AOPEP: variants seen among roughly 807,000 people sequenced by gnomAD.
AOPEP encodes the protein aminopeptidase O (putative).
In AOPEP, 77 loss-of-function variants were observed where a neutral mutation model predicts 98.1. The ratio of observed to expected loss-of-function variants is 0.78; its 90% confidence interval spans 0.65 to 0.95. AOPEP has a LOEUF of 0.95. AOPEP is among the 40% of genes least tolerant of loss of function. The probability of loss-of-function intolerance (pLI) is 0.00; values close to 1 mark genes in which losing one functional copy is unlikely to be tolerated. For synonymous variants in AOPEP, 346 were observed against 365.3 expected (o/e 0.95, Z 0.60); for missense variants, 1,024 against 1,024.7 (o/e 1.00, Z 0.01).
At chr9:95,139,836 A>ATATATATATATATATAAATATATATATT in the AOPEP span, among the ~76,000 whole-genome samples, 5 of 144,182 alleles carry the variant, frequency 3.5e-5, no homozygotes, top group African/African-American at 1.3e-4. Flanking sequence ...ATATATATTT[A>ATATATATATATATATAAATATATATATT]TATATATATA....
the AOPEP span, among the ~76,000 whole-genome samples, chr9:95,102,071 G>A: frequency 2.6e-4 from 40 of 152,274 alleles, no homozygotes; most frequent in African/African-American, 8.2e-4. Context: ...ATTTCCTAAC[G>A]AGCCTCCTCG....
At chr9:94,789,880 CTT>C (rs1163727431) in intron 3 of AOPEP, among the ~76,000 whole-genome samples, 2 of 87,084 alleles carry the variant, frequency 2.3e-5, no homozygotes, top group Non-Finnish European at 2.2e-5. Context: ...TCAACTTGTT[CTT>C]TTTTTTTTTT....
the AOPEP span, among the ~76,000 whole-genome samples, chr9:95,097,767 T>C: frequency 2.6e-5 from 4 of 152,136 alleles, no homozygotes; most frequent in African/African-American, 4.8e-5. Flanking sequence ...CATTACCAGT[T>C]TGGGCTTGAG....
chr9:94,857,868 A>G (rs2044421476), intron 5 of AOPEP, among the ~76,000 whole-genome samples: 1 of 152,210 alleles, frequency 6.6e-6, no homozygotes, highest in South Asian at 2.1e-4. Context: ...TTTGGAAGCT[A>G]TGTTAAGACA....
intron 3 of AOPEP, among the ~76,000 whole-genome samples, chr9:94,787,666 G>A (rs1588209546): frequency 6.6e-6 from 1 of 152,078 alleles, no homozygotes; most frequent in South Asian, 2.1e-4. Flanking sequence ...ATAGTACCTT[G>A]GTACCAGACG....
chr9:94,993,467 G>A (rs7045955), intron 11 of AOPEP, among the ~76,000 whole-genome samples: 1 of 152,170 alleles, frequency 6.6e-6, no homozygotes, highest in African/African-American at 2.4e-5. Flanking sequence ...ATGTGTGTGA[G>A]AAATTGCTAC....
At chr9:95,020,841 C>T (rs1252002823) in intron 13 of AOPEP, among the ~76,000 whole-genome samples, 1 of 135,502 alleles carries the variant, frequency 7.4e-6, no homozygotes, top group Non-Finnish European at 1.5e-5. Flanking sequence ...TTGCCTGAGC[C>T]TGGGAGGTGG....
At chr9:94,741,780 ACAG>A (rs1833191746) in intron 1 of AOPEP, among the ~76,000 whole-genome samples, 1 of 152,172 alleles carries the variant, frequency 6.6e-6, no homozygotes, top group African/African-American at 2.4e-5. Context: ...CTATTCCATC[ACAG>A]CTGAACTGGG....
Position 94,800,807 on chromosome 9 carries a change from C to T in AOPEP, c.1169C>T (p.Ala390Val). Reference protein sequence around the residue: ...HMEYPCRFQNASATTQEIIPH... With the variant: ...HMEYPCRFQNVSATTQEIIPH... ...GAATACCCCTGCCGCTTCCAGAATGCTTCTGCCACCACCCAGGAGATCATT... is the reference window on the plus strand; with the variant it reads ...GAATACCCCTGCCGCTTCCAGAATGTTTCTGCCACCACCCAGGAGATCATT... Residue 390 changes from alanine (A) to valine (V), a missense_variant, in exon 5 of 17, where the codon GCT (alanine) becomes GTT (valine). By Grantham distance (64) the Ala-to-Val change is moderately conservative (BLOSUM62 0). This residue lies in a region of AOPEP where 566 missense variants were observed against 551.7 expected (regional missense o/e 1.03). Coordinates refer to ENST00000375315, the MANE Select transcript of AOPEP (RefSeq NM_001193329.3). 1 of 1,614,196 alleles carries T rather than the reference C, an allele frequency of 6.2e-7. No homozygotes were observed. Among genetic ancestry groups the T allele is most frequent in the Non-Finnish European group, 8.5e-7 (1 of 1,180,012 alleles).
chr9:94,854,422 G>T lies in AOPEP; in HGVS notation c.1364+53420G>T, dbSNP rs76117768. ...TATTTAGGTGGCTTTCTCAAATGAT[G>T]TGCTATTTTAAGGCTGAACATTAAG... On this transcript the variant is annotated intron_variant, in intron 5 of 16. Transcript: ENST00000375315. Among the ~76,000 whole-genome samples, 1,335 of 152,240 alleles carry T rather than the reference G, an allele frequency of 8.8e-3. 25 individuals are homozygous for T. The highest frequency in any genetic ancestry group is 0.03 in the African/African-American group (1,261 of 41,534).
intron 5 of AOPEP, among the ~76,000 whole-genome samples, chr9:94,839,422 A>C (rs190279006): frequency 6.6e-6 from 1 of 151,998 alleles, no homozygotes; most frequent in East Asian, 1.9e-4. Flanking sequence ...ATGGGGTTTC[A>C]CTATGTTGGC....
At chr9:94,818,627 G>A (rs1333050736) in intron 5 of AOPEP, among the ~76,000 whole-genome samples, 1 of 152,182 alleles carries the variant, frequency 6.6e-6, no homozygotes, top group Non-Finnish European at 1.5e-5. Flanking sequence ...GGTAAAGAAG[G>A]CAGTAAAGGT....
At chr9:94,770,899 G>A (rs534360877) in intron 2 of AOPEP, among the ~76,000 whole-genome samples, 1 of 152,164 alleles carries the variant, frequency 6.6e-6, no homozygotes, top group African/African-American at 2.4e-5. Flanking sequence ...AGGAGTAAGG[G>A]GTTGTAAATA....
the AOPEP span, chr9:95,107,399 G>A: frequency 2.0e-6 from 2 of 989,946 alleles, no homozygotes; most frequent in Non-Finnish European, 3.1e-6. Context: ...AGGGAGCTAG[G>A]CAGCGGCCGA....
the AOPEP span, among the ~76,000 whole-genome samples, chr9:95,106,739 A>C: frequency 2.0e-5 from 3 of 152,160 alleles, no homozygotes; most frequent in African/African-American, 7.2e-5. Flanking sequence ...TTCCATGAGG[A>C]GGAGGAGAGC....
At chr9:94,959,431 T>C (rs2138085536) in intron 9 of AOPEP, among the ~76,000 whole-genome samples, 1 of 152,308 alleles carries the variant, frequency 6.6e-6, no homozygotes, top group East Asian at 1.9e-4. Context: ...AAGACTGTTC[T>C]TTCCCTCCAT....
chr9:94,754,055 T>C (rs903016633), intron 1 of AOPEP, among the ~76,000 whole-genome samples: 10 of 152,194 alleles, frequency 6.6e-5, no homozygotes, highest in African/African-American at 2.4e-4. Flanking sequence ...AAGAGACAGA[T>C]TTATATACAT....
the AOPEP span, among the ~76,000 whole-genome samples, chr9:95,102,837 G>C: frequency 1.3e-5 from 2 of 152,194 alleles, no homozygotes; most frequent in Non-Finnish European, 2.9e-5. Flanking sequence ...AAGAGTAAAC[G>C]ACGTGGTGTG....
chr9:94,890,901 GAA>G, intron 5 of AOPEP, among the ~76,000 whole-genome samples: 1 of 152,312 alleles, frequency 6.6e-6, no homozygotes, highest in Middle Eastern at 3.4e-3. Context: ...ATGGGTGCTT[GAA>G]AAGAATATGT....
Sources: gnomAD v4.1 joint callset for allele counts (sites outside exome capture counted in the v4.1 genomes callset) on GRCh38, gnomAD v4.1.1 for gene constraint, gnomAD v4.1.1 regional missense constraint, MANE v1.5 for transcripts, NCBI Gene and HGNC (gene_info 2026-07-23, HGNC 2026-07-21) for gene names.